SKIC3: variants seen among roughly 807,000 people sequenced by gnomAD.
SKIC3 encodes the protein superkiller complex protein 3.
At chr5:95,545,408 A>G in the SKIC3 span, among the ~76,000 whole-genome samples, 2 of 152,114 alleles carry the variant, frequency 1.3e-5, no homozygotes, top group African/African-American at 4.8e-5. Flanking sequence ...ATTGCCATGT[A>G]TACTGCCCAG....
chr5:95,495,267 A>T, the SKIC3 span: 4 of 459,000 alleles, frequency 8.7e-6, no homozygotes, highest in Non-Finnish European at 1.6e-5. Context: ...TTCAAAAGTT[A>T]TATAATTTTA....
chr5:95,480,212 A>G, the SKIC3 span, among the ~76,000 whole-genome samples: 1 of 152,152 alleles, frequency 6.6e-6, no homozygotes, highest in African/African-American at 2.4e-5. Flanking sequence ...TATCCCAATA[A>G]AGCATTAACC....
chr5:95,480,593 A>G, the SKIC3 span, among the ~76,000 whole-genome samples: 1 of 152,202 alleles, frequency 6.6e-6, no homozygotes, highest in Non-Finnish European at 1.5e-5. Flanking sequence ...TGCTGGTGCA[A>G]GTGTAAAGTG....
At chr5:95,505,800 G>A in the SKIC3 span, among the ~76,000 whole-genome samples, 17 of 149,772 alleles carry the variant, frequency 1.1e-4, no homozygotes, top group Admixed American at 8.0e-4. Flanking sequence ...GCAACAGCGC[G>A]AGACTCTGTC....
the SKIC3 span, chr5:95,516,582 A>G: frequency 1.2e-6 from 2 of 1,613,386 alleles, no homozygotes; most frequent in Non-Finnish European, 1.7e-6. Flanking sequence ...CATAATTTCC[A>G]ATACCTGAAA....
At chr5:95,504,707 T>C in the SKIC3 span, among the ~76,000 whole-genome samples, 2 of 151,954 alleles carry the variant, frequency 1.3e-5, no homozygotes, top group African/African-American at 4.8e-5. Context: ...TTTTTGTGTT[T>C]AAGGGAGAGG....
the SKIC3 span, chr5:95,523,978 T>TGTA: frequency 9.6e-6 from 8 of 836,752 alleles, no homozygotes. Context: ...AATCCTTTGA[T>TGTA]GTAAGATTTA....
the SKIC3 span, chr5:95,543,074 C>G: frequency 1.8e-4 from 239 of 1,321,188 alleles, no homozygotes; most frequent in Non-Finnish European, 2.3e-4. Context: ...TTTTTTCTTA[C>G]ATGGGGCAAA....
At chr5:95,547,289 T>C in the SKIC3 span, 2 of 719,774 alleles carry the variant, frequency 2.8e-6, no homozygotes, top group Non-Finnish European at 4.9e-6. Flanking sequence ...CCCTCTAGAA[T>C]ATACACAGTT....
At chr5:95,548,476 G>GGGA in the SKIC3 span, 1 of 151,948 alleles carries the variant, frequency 6.6e-6, no homozygotes, top group African/African-American at 2.4e-5. Flanking sequence ...TAAATAGGCA[G>GGGA]ATAAGTAACT....
the SKIC3 span, among the ~76,000 whole-genome samples, chr5:95,470,399 G>A: frequency 6.6e-6 from 1 of 152,174 alleles, no homozygotes; most frequent in Non-Finnish European, 1.5e-5. Flanking sequence ...ATAAAATGGG[G>A]TAGACTGGGA....
chr5:95,479,800 G>A, the SKIC3 span, among the ~76,000 whole-genome samples: 1 of 151,680 alleles, frequency 6.6e-6, no homozygotes, highest in South Asian at 2.1e-4. Context: ...TACTGCATTT[G>A]GAAATGCAAA....
the SKIC3 span, chr5:95,536,853 G>C: frequency 6.2e-7 from 1 of 1,613,566 alleles, no homozygotes; most frequent in Non-Finnish European, 8.5e-7. Flanking sequence ...ACTTCTAATG[G>C]ATACTGTACA....
At chr5:95,470,792 ATTAGGTACTGACT>A in the SKIC3 span, among the ~76,000 whole-genome samples, 151 of 151,870 alleles carry the variant, frequency 9.9e-4, no homozygotes, top group African/African-American at 3.5e-3. Flanking sequence ...TCTCTCTCAT[ATTAGGTACTGACT>A]CAGAAATAAC....
chr5:95,527,862 T>C, the SKIC3 span: 9 of 796,374 alleles, frequency 1.1e-5, no homozygotes, highest in East Asian at 5.3e-5. Flanking sequence ...AGTTCCCAAA[T>C]GTATGAATGA....
chr5:95,471,237 C>T, the SKIC3 span, among the ~76,000 whole-genome samples: 2 of 152,126 alleles, frequency 1.3e-5, no homozygotes, highest in Non-Finnish European at 2.9e-5. Flanking sequence ...TACTAAAAAC[C>T]AGTAACATAA....
the SKIC3 span, among the ~76,000 whole-genome samples, chr5:95,534,253 C>T: frequency 6.6e-6 from 1 of 152,034 alleles, no homozygotes; most frequent in South Asian, 2.1e-4. Context: ...AAGTATGCTC[C>T]TTGTGCTTGA....
chr5:95,487,367 G>A, the SKIC3 span, among the ~76,000 whole-genome samples: 1 of 152,136 alleles, frequency 6.6e-6, no homozygotes, highest in African/African-American at 2.4e-5. Context: ...TGCCATTCCT[G>A]GAACCTGGGC....
chr5:95,495,148 C>T, the SKIC3 span: 1 of 795,166 alleles, frequency 1.3e-6, no homozygotes, highest in East Asian at 2.6e-5. Flanking sequence ...AACTCCTAAA[C>T]TTCTTAAAAG....
Sources: allele counts gnomAD v4.1 joint callset (sites outside exome capture counted in the v4.1 genomes callset), GRCh38; gene constraint gnomAD v4.1.1; transcripts MANE v1.5; gene names NCBI Gene and HGNC (gene_info 2026-07-23, HGNC 2026-07-21).